TNFRSF19: variants seen among roughly 807,000 people sequenced by gnomAD.
TNFRSF19 encodes tumor necrosis factor receptor superfamily member 19.
Under a neutral mutation model 46.4 loss-of-function variants are expected in TNFRSF19, and 27 were observed. The ratio of observed to expected loss-of-function variants is 0.58; its 90% confidence interval spans 0.43 to 0.80. The LOEUF is 0.80. TNFRSF19 is among the 30% of genes least tolerant of loss of function. The pLI, the probability that TNFRSF19 is intolerant of heterozygous loss-of-function variation, is 0.00. For missense variants in TNFRSF19, 511 were observed against 530.8 expected (o/e 0.96, Z 0.37); for synonymous variants, 204 against 205.0 (o/e 1.00, Z 0.04).
chr13:23,624,189 A>G (rs1008100904), intron 4 of TNFRSF19, among the ~76,000 whole-genome samples: 3 of 152,196 alleles, frequency 2.0e-5, no homozygotes, highest in Non-Finnish European at 2.9e-5. Flanking sequence ...GTCATTGACC[A>G]TATACATGAC....
intron 5 of TNFRSF19, among the ~76,000 whole-genome samples, chr13:23,628,040 G>A (rs972726963): frequency 2.0e-5 from 3 of 152,128 alleles, no homozygotes; most frequent in Middle Eastern, 3.2e-3. Context: ...CCTGTTATCA[G>A]TCACAATGCA....
chr13:23,587,973 C>T (rs1020802902), intron 1 of TNFRSF19, among the ~76,000 whole-genome samples: 1 of 152,114 alleles, frequency 6.6e-6, no homozygotes, highest in South Asian at 2.1e-4. Context: ...CCTATTTGTC[C>T]GACGGATTAC....
intron 5 of TNFRSF19, among the ~76,000 whole-genome samples, chr13:23,645,259 G>T (rs923984771): frequency 2.0e-5 from 3 of 152,174 alleles, no homozygotes; most frequent in Non-Finnish European, 4.4e-5. Flanking sequence ...CTGGAATGCA[G>T]TCGTGTGATC....
At chr13:23,641,288 A>C (rs1485524576) in intron 5 of TNFRSF19, among the ~76,000 whole-genome samples, 2 of 152,214 alleles carry the variant, frequency 1.3e-5, no homozygotes, top group Non-Finnish European at 2.9e-5. Context: ...AGAGCTGTCT[A>C]TGTAATTGAC....
intron 5 of TNFRSF19, among the ~76,000 whole-genome samples, chr13:23,646,419 A>C (rs1408513949): frequency 1.3e-5 from 2 of 152,096 alleles, no homozygotes; most frequent in Admixed American, 6.6e-5. Context: ...GAAGCTCTAC[A>C]CCCATTAAAC....
At chr13:23,620,808 C>A (rs1005119654) in intron 4 of TNFRSF19, among the ~76,000 whole-genome samples, 1 of 152,166 alleles carries the variant, frequency 6.6e-6, no homozygotes, top group African/African-American at 2.4e-5. Flanking sequence ...AACTGGAACC[C>A]GCCCTGAAGA....
At chr13:23,595,335 C>T (rs1879638899) in intron 3 of TNFRSF19, among the ~76,000 whole-genome samples, 1 of 152,054 alleles carries the variant, frequency 6.6e-6, no homozygotes, top group African/African-American at 2.4e-5. Context: ...ATGTTCTAAC[C>T]CAATGCAAGG....
intron 7 of TNFRSF19, among the ~76,000 whole-genome samples, chr13:23,666,815 T>C (rs1274457520): frequency 6.6e-6 from 1 of 152,176 alleles, no homozygotes; most frequent in African/African-American, 2.4e-5. Context: ...GAGGGAGACT[T>C]AGATGCAGGC....
chr13:23,580,368 G>T (rs1403429919), intron 1 of TNFRSF19, among the ~76,000 whole-genome samples: 1 of 150,262 alleles, frequency 6.7e-6, no homozygotes, highest in Non-Finnish European at 1.5e-5. Context: ...GTATGAAGAC[G>T]TAGTTTTTAC....
intron 2 of TNFRSF19, among the ~76,000 whole-genome samples, chr13:23,592,235 G>A (rs920323410): frequency 6.6e-6 from 1 of 152,134 alleles, no homozygotes; most frequent in Non-Finnish European, 1.5e-5. Context: ...AGCAGTGTCT[G>A]TTACCCCAGT....
chr13:23,654,512 G>A (rs569538820), intron 5 of TNFRSF19, among the ~76,000 whole-genome samples: 1 of 152,292 alleles, frequency 6.6e-6, no homozygotes, highest in Admixed American at 6.5e-5. Flanking sequence ...GTGAACTCCT[G>A]CGGAACCAGC....
intron 1 of TNFRSF19, among the ~76,000 whole-genome samples, chr13:23,581,780 C>A (rs1294711923): frequency 2.0e-5 from 3 of 152,252 alleles, no homozygotes; most frequent in East Asian, 3.9e-4. Flanking sequence ...GTGCTTAACT[C>A]AATCCCCTGT....
At chr13:23,622,518 A>G (rs1174830812) in intron 4 of TNFRSF19, among the ~76,000 whole-genome samples, 1 of 152,238 alleles carries the variant, frequency 6.6e-6, no homozygotes, top group Non-Finnish European at 1.5e-5. Context: ...ACTTTTAAAA[A>G]AAATTTTGGC....
At chr13:23,647,866 T>G (rs1883420596) in intron 5 of TNFRSF19, among the ~76,000 whole-genome samples, 1 of 152,182 alleles carries the variant, frequency 6.6e-6, no homozygotes, top group Admixed American at 6.5e-5. Flanking sequence ...GTATTGGCAC[T>G]CATTTAAAAA....
chr13:23,663,791 G>A (rs750216059), intron 7 of TNFRSF19, among the ~76,000 whole-genome samples: 1 of 152,086 alleles, frequency 6.6e-6, no homozygotes, highest in African/African-American at 2.4e-5. Flanking sequence ...TCTAGTTCAT[G>A]TGTATAGAGA....
Position 23,660,398 on chromosome 13 carries a change from G to T in TNFRSF19, c.644G>T (p.Gly215Val). ...CGGTCACAGGACATTCAGTACAACG[G>T]CTCTGAGCTGTCGTGTTTTGACAGA... is the stretch of plus-strand genomic sequence containing the variant. ...SLRSQDIQYN[G>V]SELSCFDRPQ... is the part of the protein sequence containing the mutation. Residue 215 changes from glycine to valine, a missense_variant, in exon 7 of 10, where the codon GGC (glycine) becomes GTC (valine). Transcript: ENST00000248484. 6.2e-7 allele frequency: 1 copy of T among 1,613,954 alleles called. No individual in the cohort carries two copies. Among genetic ancestry groups the T allele is most frequent in the Non-Finnish European group, 8.5e-7 (1 of 1,180,032 alleles).
chr13:23,613,709 G>A (rs995974540), intron 3 of TNFRSF19, among the ~76,000 whole-genome samples: 2 of 152,088 alleles, frequency 1.3e-5, no homozygotes, highest in African/African-American at 2.4e-5. Context: ...AGAAGGTCAC[G>A]TGCACCTGTG....
chr13:23,637,986 T>C (rs1882794457), intron 5 of TNFRSF19, among the ~76,000 whole-genome samples: 1 of 152,266 alleles, frequency 6.6e-6, no homozygotes, highest in African/African-American at 2.4e-5. Flanking sequence ...GTTTCTGGTC[T>C]CTGTTGGATT....
chr13:23,608,821 A>T (rs1346631166), intron 3 of TNFRSF19, among the ~76,000 whole-genome samples: 1 of 152,210 alleles, frequency 6.6e-6, no homozygotes, highest in Non-Finnish European at 1.5e-5. Flanking sequence ...AAACAAGGAG[A>T]TACCAGAATC....
Sources: gnomAD v4.1 joint callset for allele counts (sites outside exome capture counted in the v4.1 genomes callset) on GRCh38, gnomAD v4.1.1 for gene constraint, MANE v1.5 for transcripts, NCBI Gene and HGNC (gene_info 2026-07-23, HGNC 2026-07-21) for gene names.